SLC41A2: variants seen among roughly 807,000 people sequenced by gnomAD.
SLC41A2 encodes solute carrier family 41 member 2.
A neutral mutation model predicts 58.3 loss-of-function variants in SLC41A2; 32 were observed. That is an observed-to-expected ratio of 0.55 (90% confidence interval 0.41 to 0.74). The LOEUF is 0.74. Ranked by LOEUF, SLC41A2 falls within the 30% of genes least tolerant of loss-of-function variation. The pLI is 0.00. For missense variants in SLC41A2, 514 were observed against 680.6 expected, an observed-to-expected ratio of 0.76 and a Z score of 2.72; for synonymous variants, 190 against 235.0, an observed-to-expected ratio of 0.81 and a Z score of 1.75.
chr12:104,899,908 CTGT>C (rs1199190242), intron 3 of SLC41A2, among the ~76,000 whole-genome samples: 9 of 152,028 alleles, frequency 5.9e-5, no homozygotes, highest in Non-Finnish European at 1.0e-4. Flanking sequence ...GTTGTTGTGG[CTGT>C]TGTTGTTGTT....
chr12:104,949,480 G>C (rs1447003146), intron 1 of SLC41A2, among the ~76,000 whole-genome samples: 1 of 152,126 alleles, frequency 6.6e-6, no homozygotes, highest in African/African-American at 2.4e-5. Flanking sequence ...TAATTTTGTA[G>C]CTTTTGCTAC....
chr12:104,810,774 C>T (rs957105784), intron 10 of SLC41A2, among the ~76,000 whole-genome samples: 2 of 152,150 alleles, frequency 1.3e-5, no homozygotes, highest in African/African-American at 2.4e-5. Flanking sequence ...ATATGGTCCA[C>T]TAATCCTCTG....
chr12:104,935,003 G>A (rs1432545095), intron 1 of SLC41A2, among the ~76,000 whole-genome samples: 1 of 152,166 alleles, frequency 6.6e-6, no homozygotes, highest in Admixed American at 6.5e-5. Context: ...TGTTGCCCAA[G>A]CTGCAGTGCA....
intron 10 of SLC41A2, among the ~76,000 whole-genome samples, chr12:104,829,799 TC>T (rs2041979662): frequency 6.7e-6 from 1 of 148,704 alleles, no homozygotes; most frequent in Non-Finnish European, 1.5e-5. Context: ...ATTTTAGTTT[TC>T]AACATTTAAA....
At chr12:104,890,553 G>A (rs2044902234) in intron 4 of SLC41A2, among the ~76,000 whole-genome samples, 1 of 152,116 alleles carries the variant, frequency 6.6e-6, no homozygotes, top group Non-Finnish European at 1.5e-5. Context: ...CAATTTCTGA[G>A]AAAATAAAAG....
intron 10 of SLC41A2, among the ~76,000 whole-genome samples, chr12:104,838,440 TG>T (rs1821630556): frequency 6.6e-6 from 1 of 152,216 alleles, no homozygotes; most frequent in Non-Finnish European, 1.5e-5. Context: ...ATGAGTCTGT[TG>T]GAAAATATGA....
Position 104,858,505 on chromosome 12 carries a change from A to G in SLC41A2, c.1255+2786T>C, listed in dbSNP as rs529743028. On this transcript the variant is annotated intron_variant, in intron 8 of 10. Coordinates refer to ENST00000258538, the MANE Select transcript of SLC41A2 (RefSeq NM_001352171.3). ...TCACTAAATAGCAGATAATGATGAT[A>G]ATGATGAAGATAAACAAGAGTCCTT... is the stretch of plus-strand genomic sequence containing the variant. Among the ~76,000 whole-genome samples, 7 of 152,342 alleles carry G rather than the reference A, an allele frequency of 4.6e-5. No individual in the cohort carries two copies. The South Asian group carries it at 1.2e-3, about 27-fold the overall frequency.
At chr12:104,858,381 A>G (rs1190106653) in intron 8 of SLC41A2, among the ~76,000 whole-genome samples, 1 of 152,182 alleles carries the variant, frequency 6.6e-6, no homozygotes, top group African/African-American at 2.4e-5. Flanking sequence ...CTTACAAGAT[A>G]AGAGACCTTA....
At chr12:104,906,787 T>C (rs1362060540) in intron 3 of SLC41A2, among the ~76,000 whole-genome samples, 1 of 152,230 alleles carries the variant, frequency 6.6e-6, no homozygotes, top group African/African-American at 2.4e-5. Flanking sequence ...AAAGCCCAGC[T>C]GTCTAGAATG....
chr12:104,805,175 G>C lies in SLC41A2; in HGVS notation c.1699C>G (p.Arg567Gly), dbSNP rs540046926. The C allele has an allele frequency of 3.7e-6, 6 of 1,610,816 alleles. No individual in the cohort carries two copies. Among genetic ancestry groups the C allele is most frequent in the Admixed American group, 1.7e-5 (1 of 59,534 alleles). Residue 567 changes from arginine to glycine, a missense_variant, in exon 11 of 11, where the codon CGA becomes GGA. This residue lies in a region of SLC41A2 where 128 missense variants were observed against 146.0 expected (regional missense o/e 0.88). Coordinates refer to ENST00000258538, the MANE Select transcript of SLC41A2 (RefSeq NM_001352171.3). Reference protein sequence around the residue: ...SFHFLWLIGDRDGDVGD With the variant: ...SFHFLWLIGDGDGDVGD ...TATTAGTCTCCAACATCTCCATCTC[G>C]ATCTCCAATAAGCCAAAGAAAATGA...
At chr12:104,823,782 T>G (rs993166411) in intron 10 of SLC41A2, among the ~76,000 whole-genome samples, 2 of 152,176 alleles carry the variant, frequency 1.3e-5, no homozygotes, top group Admixed American at 1.3e-4. Context: ...AAATTAGAAC[T>G]TCTGCTCTTA....
intron 10 of SLC41A2, among the ~76,000 whole-genome samples, chr12:104,838,647 C>A (rs114640286): frequency 0.014 from 2,200 of 152,186 alleles, 49 homozygotes; most frequent in African/African-American, 0.049. Context: ...GTCTGATCTC[C>A]TTCCTCCAAA....
chr12:104,958,439 GC>G (rs951528196), upstream of SLC41A2: 1 of 151,556 alleles, frequency 6.6e-6, no homozygotes, highest in East Asian at 1.9e-4. Flanking sequence ...CGACAGCACC[GC>G]CCCGCCCGGA....
intron 2 of SLC41A2, among the ~76,000 whole-genome samples, chr12:104,917,082 A>G (rs1217033201): frequency 6.6e-6 from 1 of 151,500 alleles, no homozygotes; most frequent in East Asian, 1.9e-4. Context: ...TCATCTGACA[A>G]AGGGCTAATA....
intron 9 of SLC41A2, 80 bp downstream of exon 9, chr12:104,845,762 AT>A: frequency 7.1e-7 from 1 of 1,400,966 alleles, no homozygotes; most frequent in Non-Finnish European, 9.6e-7. Context: ...CAAAACACAT[AT>A]TCAATAAATG....
In SLC41A2 at chr12:104,928,059, C is replaced by T. The variant is rs1309980073; in HGVS notation, c.469G>A (p.Gly157Ser). Reference sequence around the variant, plus strand: ...ACAAGTATTTGCAATGCCATGATGCCACTGGATTCCTTTGGTAATTTTGGG... The same window carrying T: ...ACAAGTATTTGCAATGCCATGATGCTACTGGATTCCTTTGGTAATTTTGGG... ...VTPKLPKESSGIMALQILVPF... is the reference protein window; with the variant it reads ...VTPKLPKESSSIMALQILVPF... The change falls in exon 2 of 11, where the codon GGC (glycine) becomes AGC (serine). Residue 157 changes from glycine (G) to serine (S), a missense_variant. Around this residue, in one of 3 missense-constraint regions of SLC41A2, gnomAD observed 336 missense variants for 430.0 expected, o/e 0.78. Transcript: ENST00000258538. 2 of 1,614,052 alleles carry T rather than the reference C, an allele frequency of 1.2e-6. No homozygotes were observed. The highest frequency in any genetic ancestry group is 1.7e-6 in the Non-Finnish European group (2 of 1,180,026).
chr12:104,925,015 G>T (rs1345392265), intron 2 of SLC41A2, among the ~76,000 whole-genome samples: 3 of 152,000 alleles, frequency 2.0e-5, no homozygotes, highest in Admixed American at 6.6e-5. Context: ...CAAGCAAAGA[G>T]GTGCTTACCA....
At chr12:104,915,197 G>A (rs533579253) in intron 2 of SLC41A2, among the ~76,000 whole-genome samples, 2 of 152,134 alleles carry the variant, frequency 1.3e-5, no homozygotes, top group East Asian at 3.9e-4. Context: ...AAAATAATAA[G>A]TTGAAGAACA....
At chr12:104,822,578 A>G (rs979567576) in intron 10 of SLC41A2, among the ~76,000 whole-genome samples, 2 of 152,178 alleles carry the variant, frequency 1.3e-5, no homozygotes, top group Admixed American at 1.3e-4. Flanking sequence ...ATGCTGTTTT[A>G]TGAGAAGAAA....
Sources: allele counts gnomAD v4.1 joint callset (sites outside exome capture counted in the v4.1 genomes callset), GRCh38; gene constraint gnomAD v4.1.1; regional missense constraint gnomAD v4.1.1; transcripts MANE v1.5; gene names NCBI Gene and HGNC (gene_info 2026-07-23, HGNC 2026-07-21).